The following ZNF454 variants were observed in gnomAD, a reference collection of about 807,000 sequenced individuals.
The protein encoded by ZNF454 is zinc finger protein 454.
In ZNF454, 30 loss-of-function variants were observed where a neutral mutation model predicts 48.2. The observed-to-expected ratio is 0.62, with a 90% confidence interval of 0.47 to 0.84. ZNF454 has a LOEUF of 0.84. Among genes scored for constraint, ZNF454 ranks in the 40% least tolerant of loss-of-function variants. ZNF454 has a pLI of 0.00. For missense variants in ZNF454, 510 were observed against 623.1 expected (o/e 0.82, Z 1.93); for synonymous variants, 204 against 211.4 (o/e 0.97, Z 0.30).
downstream of ZNF454, among the ~76,000 whole-genome samples, chr5:178,970,474 G>A (rs997391355): frequency 6.6e-6 from 1 of 152,150 alleles, no homozygotes; most frequent in Non-Finnish European, 1.5e-5. Context: ...TCCTTTGCAG[G>A]TGCCAGCACT....
chr5:178,969,754 T>C, downstream of ZNF454: 1 of 422,932 alleles, frequency 2.4e-6, no homozygotes. Flanking sequence ...CCGAGACCCA[T>C]CACAGTGCCA....
At chr5:178,953,942 C>T (rs960380288) in intron 4 of ZNF454, among the ~76,000 whole-genome samples, 1 of 152,248 alleles carries the variant, frequency 6.6e-6, no homozygotes, top group East Asian at 1.9e-4. Flanking sequence ...TTTGGCTGAG[C>T]ATTTAGTGAA....
Position 178,958,707 on chromosome 5 carries a change from G to T in ZNF454, c.251-5948G>T, listed in dbSNP as rs933466716. ...TATACTCCTACCGGCGAAATGCAAG[G>T]TTTCCATATCAACTCTTATACACGT... On this transcript the variant is annotated intron_variant, in intron 4 of 4. Coordinates refer to ENST00000519564, the MANE Select transcript of ZNF454 (RefSeq NM_001178089.3). Among the ~76,000 whole-genome samples the T allele has an allele frequency of 7.9e-5, 12 of 152,162 alleles. No homozygotes were observed. The South Asian group carries it at 1.4e-3, about 18-fold the overall frequency.
Position 178,965,136 on chromosome 5 carries a change from T to A in ZNF454, c.732T>A (p.Tyr244Ter). ...HQRIHTGEKP[Y>*]ECKECGKAFS... is the part of the protein sequence containing the mutation. ...GAATTCACACTGGCGAGAAACCCTA[T>A]GAATGTAAGGAATGTGGCAAGGCCT... Residue 244 changes from tyrosine (Y) to a stop codon, truncating the protein, a stop_gained, in exon 5 of 5, where the codon TAT becomes TAA. Coordinates refer to ENST00000519564, the MANE Select transcript of ZNF454 (RefSeq NM_001178089.3). LOFTEE classifies it high-confidence loss of function. This position sits in a 1 kb window ranked among gnomAD's most constrained non-coding sequence, Gnocchi z 5.2. The A allele has an allele frequency of 6.2e-7, 1 of 1,614,138 alleles. No homozygotes were observed. Among genetic ancestry groups the A allele is most frequent in the Non-Finnish European group, 8.5e-7 (1 of 1,180,026 alleles).
intron 4 of ZNF454, 27 bp downstream of exon 4, chr5:178,947,013 C>A (rs368325650): frequency 8.1e-6 from 13 of 1,596,670 alleles, no homozygotes; most frequent in African/African-American, 2.7e-5. Flanking sequence ...TGGGAGACAC[C>A]GGGAGGAGCC....
the ZNF454 span, chr5:178,981,428 TGG>T: frequency 1.9e-6 from 1 of 515,576 alleles, no homozygotes; most frequent in Non-Finnish European, 3.5e-6. This position sits in a 1 kb window ranked among gnomAD's most constrained non-coding sequence, Gnocchi z 5.1. Context: ...TTTCCCACCA[TGG>T]GAAGCGAGTC....
At chr5:178,979,341 A>C in the ZNF454 span, 17 of 152,280 alleles carry the variant, frequency 1.1e-4, no homozygotes, top group African/African-American at 3.9e-4. Context: ...ATTTGTGTAC[A>C]TCAGAAAATT....
the ZNF454 span, chr5:178,985,405 A>T: frequency 3.1e-5 from 2 of 64,254 alleles, no homozygotes; most frequent in Non-Finnish European, 6.2e-5. Flanking sequence ...CTGTGGCCTT[A>T]AAAAAAAAAA....
At chr5:178,943,747 C>T (rs1759204379) in intron 2 of ZNF454, among the ~76,000 whole-genome samples, 1 of 152,176 alleles carries the variant, frequency 6.6e-6, no homozygotes, top group Non-Finnish European at 1.5e-5. Context: ...GAATATGGGC[C>T]AGACGCGGTG....
At chr5:178,982,643 G>GT in the ZNF454 span, among the ~76,000 whole-genome samples, 1 of 135,640 alleles carries the variant, frequency 7.4e-6, no homozygotes, top group Non-Finnish European at 1.6e-5. Context: ...CAAGCTAACT[G>GT]TAACTGGGTG....
At chr5:178,972,478 G>A in the ZNF454 span, among the ~76,000 whole-genome samples, 1 of 152,142 alleles carries the variant, frequency 6.6e-6, no homozygotes, top group Admixed American at 6.5e-5. Flanking sequence ...GGTGCTGCCT[G>A]GCATTGGTGG....
chr5:178,985,824 C>A, the ZNF454 span: 4 of 525,578 alleles, frequency 7.6e-6, no homozygotes, highest in Non-Finnish European at 1.4e-5. Context: ...TGTAGTGGTG[C>A]GATCTTGGCT....
chr5:178,971,935 T>A, the ZNF454 span, among the ~76,000 whole-genome samples: 1 of 152,022 alleles, frequency 6.6e-6, no homozygotes, highest in African/African-American at 2.4e-5. Context: ...TTTTGTTTGT[T>A]TGTTTGTTTG....
chr5:178,942,591 G>T, intron 1 of ZNF454, 94 bp from the exon 2 acceptor site: 1 of 543,420 alleles, frequency 1.8e-6, no homozygotes, highest in Non-Finnish European at 3.3e-6. Flanking sequence ...AACACTCACT[G>T]CTTGGGGTAC....
the ZNF454 span, chr5:178,979,454 T>C: frequency 6.6e-6 from 1 of 152,210 alleles, no homozygotes; most frequent in African/African-American, 2.4e-5. Context: ...GGAGATACCC[T>C]GCAAGTAGAC....
chr5:178,953,177 C>T (rs1759624842), intron 4 of ZNF454, among the ~76,000 whole-genome samples: 2 of 152,230 alleles, frequency 1.3e-5, no homozygotes, highest in East Asian at 1.9e-4. Context: ...GAGGCTTAAA[C>T]TCAGCCCCTG....
At chr5:178,959,767 G>A (rs1759924063) in intron 4 of ZNF454, among the ~76,000 whole-genome samples, 1 of 151,800 alleles carries the variant, frequency 6.6e-6, no homozygotes, top group African/African-American at 2.4e-5. Flanking sequence ...CACCACGCCT[G>A]GCTAATTTTT....
At chr5:178,964,495 T>G (rs1284442477) in intron 4 of ZNF454, among the ~76,000 whole-genome samples, 160 bp from the exon 5 acceptor site, 1 of 152,220 alleles carries the variant, frequency 6.6e-6, no homozygotes, top group African/African-American at 2.4e-5. Context: ...CCTGCTGTAG[T>G]CCTCTGTTCA....
Position 178,964,644 on chromosome 5 carries a change from A to G in ZNF454, c.251-11A>G. Reference sequence around the variant, plus strand: ...GGTAAAACAGACATTTTTATTTTTAATGTCTTTCAGACTGGATGACTATGC... The same window carrying G: ...GGTAAAACAGACATTTTTATTTTTAGTGTCTTTCAGACTGGATGACTATGC... On this transcript the variant is annotated splice_polypyrimidine_tract_variant and intron_variant, in intron 4 of 4. Coordinates refer to ENST00000519564, the MANE Select transcript of ZNF454 (RefSeq NM_001178089.3). 13 of 1,595,372 alleles carry G rather than the reference A, an allele frequency of 8.1e-6. No homozygotes were observed. The highest frequency in any genetic ancestry group is 8.6e-6 in the Non-Finnish European group (10 of 1,167,092).
Sources: gnomAD v4.1 joint callset for allele counts (sites outside exome capture counted in the v4.1 genomes callset) on GRCh38, gnomAD v4.1.1 for gene constraint, Gnocchi (gnomAD v3.1) non-coding constraint, MANE v1.5 for transcripts, NCBI Gene and HGNC (gene_info 2026-07-23, HGNC 2026-07-21) for gene names.